The following PTPRQ variants were observed in gnomAD, a reference collection of about 807,000 sequenced individuals.
PTPRQ encodes protein tyrosine phosphatase receptor type Q.
Under a neutral mutation model 246.0 loss-of-function variants are expected in PTPRQ, and 199 were observed. That is an observed-to-expected ratio of 0.81 (90% CI 0.72 to 0.91). The LOEUF (loss-of-function observed/expected upper bound fraction) is 0.91, where lower values mean the gene tolerates loss of function less well. PTPRQ is among the 40% of genes least tolerant of loss of function. PTPRQ has a pLI of 0.00. For synonymous variants in PTPRQ, 869 were observed against 853.2 expected, an observed-to-expected ratio of 1.02 and a Z score of -0.32; for missense variants, 2,624 against 2,528.4, an observed-to-expected ratio of 1.04 and a Z score of -0.81.
intron 25 of PTPRQ, among the ~76,000 whole-genome samples, chr12:80,573,894 G>T (rs539373031): frequency 7.6e-4 from 116 of 152,062 alleles, no homozygotes; most frequent in African/African-American, 2.7e-3. Context: ...TTGCCATAAG[G>T]TTCTATGTAT....
At chr12:80,454,471 C>T (rs957136694) in intron 3 of PTPRQ, 26 of 699,502 alleles carry the variant, frequency 3.7e-5, no homozygotes, top group Non-Finnish European at 7.8e-6. Context: ...CTTTCTCTTG[C>T]TTGATCGCTC....
chr12:80,542,238 A>G lies in PTPRQ; in HGVS notation c.3595A>G (p.Thr1199Ala). 6.4e-7 allele frequency: 1 copy of G among 1,550,834 alleles called. No individual in the cohort carries two copies. The highest frequency in any genetic ancestry group is 8.7e-7 in the Non-Finnish European group (1 of 1,146,406). Reference sequence around the variant, plus strand: ...ACCAAATGAAAATTATTCTTTCATTACTTCTGATAATTACATAATATTGGA... The same window carrying G: ...ACCAAATGAAAATTATTCTTTCATTGCTTCTGATAATTACATAATATTGGA... ...QGPNENYSFI[T>A]SDNYIILEEL... Residue 1199 changes from threonine to alanine, a missense_variant, in exon 22 of 45, where the codon ACT (threonine) becomes GCT (alanine). Physicochemically the swap from Thr to Ala is moderately conservative, Grantham distance 58. Transcript: ENST00000644991.
chr12:80,459,047 T>C (rs1893064444), intron 4 of PTPRQ, among the ~76,000 whole-genome samples: 1 of 152,156 alleles, frequency 6.6e-6, no homozygotes, highest in South Asian at 2.1e-4. Context: ...TTCATACTTA[T>C]TTGAAACGTT....
chr12:80,580,836 G>C (rs934688762), intron 25 of PTPRQ, among the ~76,000 whole-genome samples: 1 of 152,192 alleles, frequency 6.6e-6, no homozygotes, highest in African/African-American at 2.4e-5. Flanking sequence ...CACTGTGCCT[G>C]TCACATAATA....
intron 33 of PTPRQ, among the ~76,000 whole-genome samples, chr12:80,623,845 A>AG (rs1158292986): frequency 3.9e-5 from 6 of 152,180 alleles, no homozygotes; most frequent in African/African-American, 9.6e-5. Flanking sequence ...AAGCTATAAA[A>AG]GGGGGGGAGC....
At chr12:80,507,109 G>T (rs959650284) in intron 16 of PTPRQ, among the ~76,000 whole-genome samples, 4 of 151,888 alleles carry the variant, frequency 2.6e-5, no homozygotes, top group African/African-American at 9.7e-5. Context: ...AATGAGATCA[G>T]GCTATTGTAC....
chr12:80,486,841 G>T lies in PTPRQ; in HGVS notation c.1359+2236G>T, dbSNP rs577775755. On this transcript the variant is annotated intron_variant, in intron 9 of 44. Transcript: ENST00000644991. ...ATTAAATATTTTTAACCACCCTTGT[G>T]TTCTTATCTCCTTCAAAATCCATCC... Among the ~76,000 whole-genome samples, 7 of 152,220 alleles carry T rather than the reference G, an allele frequency of 4.6e-5. No individual in the cohort carries two copies. In the South Asian group the frequency reaches 1.5e-3, roughly 32 times the overall value.
In PTPRQ at chr12:80,652,866, G is replaced by C. The variant is rs112051737; in HGVS notation, c.6115+32G>C. On this transcript the variant is annotated intron_variant, in intron 38 of 44. Transcript: ENST00000644991. The stretch of plus-strand genomic sequence containing the variant: ...GCATTTGTTGGTTTTGGTTTAGCTA[G>C]GAAATATTTTTAAATGCCTACCATC... 4.5e-4 allele frequency: 641 copies of C among 1,428,804 alleles called. 3 individuals carry two copies. The African/African-American group carries it at 8.3e-3, about 18-fold the overall frequency. The allele number at this position is 1,428,804 out of a possible 1,614,324, so 88.5% of individuals were successfully genotyped here. A position where few individuals can be genotyped will look rare whatever the true frequency, so the allele number is the denominator to read the frequency against.
At chr12:80,645,192 C>T (rs560924156) in intron 35 of PTPRQ, among the ~76,000 whole-genome samples, 1 of 152,200 alleles carries the variant, frequency 6.6e-6, no homozygotes, top group South Asian at 2.1e-4. Context: ...TTGTTTATCA[C>T]TTGAGTAGGC....
intron 37 of PTPRQ, among the ~76,000 whole-genome samples, chr12:80,650,860 G>A (rs1477337077): frequency 1.3e-5 from 2 of 151,926 alleles, no homozygotes; most frequent in African/African-American, 2.4e-5. Context: ...TCTAGTTTAA[G>A]TTTTTTGAAG....
At chr12:80,623,963 A>G (rs2121143653) in intron 33 of PTPRQ, among the ~76,000 whole-genome samples, 1 of 152,316 alleles carries the variant, frequency 6.6e-6, no homozygotes, top group South Asian at 2.1e-4. Flanking sequence ...GTAATCTCAA[A>G]GAGCTCCTCA....
At position 80,455,771 on chromosome 12, in the gene PTPRQ, T is replaced by TA. The variant is rs1555182408; in HGVS notation, c.391-1803dup. On this transcript the variant is annotated intron_variant, in intron 3 of 44. Coordinates refer to ENST00000644991, the MANE Select transcript of PTPRQ (RefSeq NM_001145026.2). ...ATGCCCGGCTAATTTTTTCGTATTT[T>TA]ATTTTTTTTTAGCAGAGACGGGTTT... is the stretch of plus-strand genomic sequence containing the variant. Among the ~76,000 whole-genome samples, 519 of 122,998 alleles carry TA rather than the reference T, an allele frequency of 4.2e-3. 5 individuals carry two copies. The highest frequency in any genetic ancestry group is 0.02 in the African/African-American group (508 of 24,990). 80.7% of individuals were successfully genotyped at this position (122,998 alleles called of 152,430 possible).
chr12:80,544,689 CCTTTTTCT>C lies in PTPRQ; in HGVS notation c.3873+1809_3873+1816del, dbSNP rs149610496. On this transcript the variant is annotated intron_variant, in intron 23 of 44. Transcript: ENST00000644991. ...GGCATCTAGTTACTATATCTGCTTT[CCTTTTTCT>C]ATTTCGCTTTCTCTCCTAGTGTGTT... Among the ~76,000 whole-genome samples, 819 of 152,186 alleles carry C rather than the reference CCTTTTTCT, an allele frequency of 5.4e-3. 7 individuals carry two copies. The highest frequency in any genetic ancestry group is 0.019 in the African/African-American group (783 of 41,534).
rs915178529 is a variant in PTPRQ, at chr12:80,445,446, C to T, written c.164-45C>T. The T allele has an allele frequency of 6.7e-6, 8 of 1,190,458 alleles. No individual in the cohort carries two copies. The African/African-American group carries it at 1.2e-4, about 19-fold the overall frequency. 73.7% of individuals were successfully genotyped at this position (1,190,458 alleles called of 1,614,324 possible). A position where few individuals can be genotyped will look rare whatever the true frequency, so the allele number is the denominator to read the frequency against. On this transcript the variant is annotated intron_variant, in intron 2 of 44. Transcript: ENST00000644991. Reference sequence around the variant, plus strand: ...GTTATTATGTATTTTTGTGAAAATGCAATAATTATTTGACCTTTTAACAAA... The same window carrying T: ...GTTATTATGTATTTTTGTGAAAATGTAATAATTATTTGACCTTTTAACAAA...
At chr12:80,539,404 C>T (rs1450011238) in intron 19 of PTPRQ, among the ~76,000 whole-genome samples, 1 of 152,036 alleles carries the variant, frequency 6.6e-6, no homozygotes, top group Non-Finnish European at 1.5e-5. Flanking sequence ...TCTAATACTC[C>T]CAAACTTGTT....
chr12:80,549,864 C>A (rs958131559), intron 25 of PTPRQ, 130 bp downstream of exon 25: 4 of 1,268,748 alleles, frequency 3.2e-6, no homozygotes, highest in East Asian at 5.1e-5. Flanking sequence ...ACAACACAGG[C>A]TTTTTATCCC....
chr12:80,549,577 A>C lies in PTPRQ; in HGVS notation c.4128A>C (p.Thr1376=), dbSNP rs1167219735. ...ANGIITQYMV[T]VERNSTKVSP... ...GAATAATAACGCAGTATATGGTAAC[A>C]GTTGAAAGGAATTCTACAAAAGTTT... Residue 1376 remains threonine (T), a synonymous_variant, in exon 25 of 45, where the codon ACA becomes ACC. Transcript: ENST00000644991. 1 of 1,551,288 alleles carries C rather than the reference A, an allele frequency of 6.4e-7. No individual in the cohort carries two copies. The highest frequency in any genetic ancestry group is 1.2e-5 in the South Asian group (1 of 84,052).
In PTPRQ at chr12:80,500,252, C is replaced by A. The variant is rs753442935; in HGVS notation, c.2272+3721C>A. 2.6e-5 allele frequency among the ~76,000 whole-genome samples: 4 copies of A among 151,952 alleles called. No homozygotes were observed. The South Asian group carries it at 6.2e-4, about 24-fold the overall frequency. On this transcript the variant is annotated intron_variant, in intron 14 of 44. Coordinates refer to ENST00000644991, the MANE Select transcript of PTPRQ (RefSeq NM_001145026.2). Reference sequence around the variant, plus strand: ...TCAGCTTATTCCAACTGATTATAATCATTCCTTTTTATCCATCAGTTATCT... The same window carrying A: ...TCAGCTTATTCCAACTGATTATAATAATTCCTTTTTATCCATCAGTTATCT...
At chr12:80,587,627 A>T (rs1196019229) in intron 25 of PTPRQ, among the ~76,000 whole-genome samples, 2 of 152,208 alleles carry the variant, frequency 1.3e-5, no homozygotes, top group Non-Finnish European at 2.9e-5. Flanking sequence ...AAAAAAATAG[A>T]TGAATTATAT....
Sources: gnomAD v4.1 joint callset for allele counts (sites outside exome capture counted in the v4.1 genomes callset) on GRCh38, gnomAD v4.1.1 for gene constraint, MANE v1.5 for transcripts, NCBI Gene and HGNC (gene_info 2026-07-23, HGNC 2026-07-21) for gene names.